GRHPR: variants seen among roughly 807,000 people sequenced by gnomAD.
The protein encoded by GRHPR is glyoxylate reductase/hydroxypyruvate reductase.
Under a neutral mutation model 36.8 loss-of-function variants are expected in GRHPR, and 35 were observed. The observed-to-expected ratio is 0.95, with a 90% CI of 0.73 to 1.26. The LOEUF is 1.26. Ranked by LOEUF, GRHPR falls within the 50% of genes most tolerant of loss-of-function variation. The pLI, the probability that GRHPR is intolerant of heterozygous loss-of-function variation, is 0.00. For synonymous variants in GRHPR, 179 were observed against 181.0 expected (o/e 0.99, Z 0.09); for missense variants, 380 against 435.0 (o/e 0.87, Z 1.12).
rs1216931967 is a variant in GRHPR at position 37,422,735 on chromosome 9, G to A, written c.-16G>A. On this transcript the variant is annotated 5_prime_UTR_variant, in exon 1 of 9. Coordinates refer to ENST00000318158, the MANE Select transcript of GRHPR (RefSeq NM_012203.2). ...GCTTCTGTACTGCCAGGTCCGGGTCGGCGGCTGCACTGCGGATGAGACCGG... is the reference window on the plus strand; with the variant it reads ...GCTTCTGTACTGCCAGGTCCGGGTCAGCGGCTGCACTGCGGATGAGACCGG... The A allele has an allele frequency of 1.9e-6, 3 of 1,562,080 alleles. No individual in the cohort carries two copies. Among genetic ancestry groups the A allele is most frequent in the South Asian group, 2.3e-5 (2 of 85,144 alleles).
rs1171183974 is a variant in GRHPR, at chr9:37,429,630, G to C, written c.494-102G>C. On this transcript the variant is annotated intron_variant, in intron 5 of 8. Coordinates refer to ENST00000318158, the MANE Select transcript of GRHPR (RefSeq NM_012203.2). ...AGGAGCAGGCAACTCGGGCTGTGCTGATGAAAAGGGTCTGCCCTGAGGGCC... is the reference window on the plus strand; with the variant it reads ...AGGAGCAGGCAACTCGGGCTGTGCTCATGAAAAGGGTCTGCCCTGAGGGCC... 6 of 829,160 alleles carry C rather than the reference G, an allele frequency of 7.2e-6. No homozygotes were observed. In the Admixed American group the frequency reaches 1.0e-4, roughly 14 times the overall value. The allele number at this position is 829,160 out of a possible 1,614,324, so 51.4% of individuals were successfully genotyped here. A position where few individuals can be genotyped will look rare whatever the true frequency, so the allele number is the denominator to read the frequency against.
intron 7 of GRHPR, 131 bp from the exon 8 acceptor site, chr9:37,431,877 T>C (rs1823384152): frequency 7.8e-6 from 7 of 895,380 alleles, no homozygotes; most frequent in Middle Eastern, 3.2e-4. Context: ...ACTGTAAGTA[T>C]ACCTAAGACT....
intron 6 of GRHPR, 132 bp downstream of exon 6, chr9:37,429,968 GTTTAATCTACCTGCC>G: frequency 1.4e-6 from 1 of 703,616 alleles, no homozygotes; most frequent in Non-Finnish European, 2.6e-6. Flanking sequence ...TCTGGTAGAT[GTTTAATCTACCTGCC>G]CCTGGACACT....
chr9:37,436,845 G>T lies in GRHPR; in HGVS notation c.*63G>T. ...GCCCTGGTATTGTCAGACACACCCA[G>T]GCTTGATTTGGATCCACAGGCAGAG... On this transcript the variant is annotated 3_prime_UTR_variant, in exon 9 of 9. Transcript: ENST00000318158. 1 of 1,578,434 alleles carries T rather than the reference G, an allele frequency of 6.3e-7. No individual in the cohort carries two copies. Among genetic ancestry groups the T allele is most frequent in the Non-Finnish European group, 8.7e-7 (1 of 1,147,946 alleles).
In GRHPR at chr9:37,432,015, G is replaced by A. The variant is rs369950120; in HGVS notation, c.742G>A (p.Val248Ile). ...CACCACTGTCATTCCCAGGGGCGAC[G>A]TCGTAAACCAGGACGACCTGTACCA... is the stretch of plus-strand genomic sequence containing the variant. ...AVFINISRGD[V>I]VNQDDLYQAL... is the part of the protein sequence containing the mutation. The change falls in exon 8 of 9, where the codon GTC (valine) becomes ATC (isoleucine). Residue 248 changes from valine (V) to isoleucine (I), a missense_variant. Coordinates refer to ENST00000318158, the MANE Select transcript of GRHPR (RefSeq NM_012203.2). The A allele has an allele frequency of 7.0e-5, 113 of 1,613,976 alleles. No individual in the cohort carries two copies. Among genetic ancestry groups the A allele is most frequent in the Admixed American group, 2.3e-4 (14 of 60,012 alleles).
At chr9:37,428,809 G>A (rs1441645747) in intron 5 of GRHPR, 4 of 657,054 alleles carry the variant, frequency 6.1e-6, no homozygotes, top group Non-Finnish European at 1.1e-5. Flanking sequence ...TAAGGGTCAG[G>A]GGGCTTCATG....
At chr9:37,428,394 C>T (rs1382802672) in intron 4 of GRHPR, 90 bp from the exon 5 acceptor site, 3 of 860,112 alleles carry the variant, frequency 3.5e-6, no homozygotes, top group Non-Finnish European at 5.9e-6. Flanking sequence ...GGGTTTATAC[C>T]TTGGACCACA....
chr9:37,422,563 G>A (rs546235477), upstream of GRHPR: 427 of 645,080 alleles, frequency 6.6e-4, 8 homozygotes, highest in South Asian at 6.9e-3. Flanking sequence ...CACTGTTACT[G>A]TCACTCCCCG....
At position 37,429,903 on chromosome 9, in the gene GRHPR, A is replaced by G. The variant is rs759187258; in HGVS notation, c.598+67A>G. 33 of 962,238 alleles carry G rather than the reference A, an allele frequency of 3.4e-5. 2 individuals are homozygous for G. Among genetic ancestry groups the G allele is most frequent in the South Asian group, 2.8e-4 (22 of 77,538 alleles). 59.6% of individuals were successfully genotyped at this position (962,238 alleles called of 1,614,324 possible). A position where few individuals can be genotyped will look rare whatever the true frequency, so the allele number is the denominator to read the frequency against. ...AGTTGAGAGGCTGTATTTTCTCTCA[A>G]TGGTGGCATTTTCAGGCAGAGGGCA... On this transcript the variant is annotated intron_variant, in intron 6 of 8. Coordinates refer to ENST00000318158, the MANE Select transcript of GRHPR (RefSeq NM_012203.2).
Position 37,432,018 on chromosome 9 carries a change from G to A in GRHPR, c.745G>A (p.Val249Ile), listed in dbSNP as rs769568097. ...CACTGTCATTCCCAGGGGCGACGTC[G>A]TAAACCAGGACGACCTGTACCAGGC... ...VFINISRGDV[V>I]NQDDLYQALA... Residue 249 changes from valine (V) to isoleucine (I), a missense_variant, in exon 8 of 9, where the codon GTA becomes ATA. Physicochemically the swap from Val to Ile is conservative, Grantham distance 29. Transcript: ENST00000318158. The A allele has an allele frequency of 1.5e-5, 24 of 1,613,962 alleles. No individual in the cohort carries two copies. The Admixed American group carries it at 2.7e-4, about 18-fold the overall frequency.
At chr9:37,430,155 T>G (rs1313169147) in intron 6 of GRHPR, 4 of 528,078 alleles carry the variant, frequency 7.6e-6, no homozygotes, top group Non-Finnish European at 1.4e-5. Context: ...TTCACTGTCT[T>G]TTCCTTCATA....
intron 7 of GRHPR, chr9:37,431,260 C>T (rs1036408777): frequency 1.8e-5 from 6 of 338,544 alleles, no homozygotes; most frequent in African/African-American, 8.6e-5. Context: ...CCTGAGGACT[C>T]GTCCACCCCA....
chr9:37,425,092 C>A (rs1471519827), intron 2 of GRHPR, 117 bp downstream of exon 2: 3 of 1,037,906 alleles, frequency 2.9e-6, no homozygotes, highest in Non-Finnish European at 4.3e-6. Flanking sequence ...GCGTTTCCTG[C>A]GATACCAGGC....
chr9:37,434,167 G>A (rs1823520412), intron 8 of GRHPR: 2 of 399,172 alleles, frequency 5.0e-6, no homozygotes, highest in Non-Finnish European at 8.8e-6. Context: ...CTAAGCACTG[G>A]GCTGCAGCCA....
intron 8 of GRHPR, among the ~76,000 whole-genome samples, chr9:37,436,319 A>C (rs1823646073): frequency 6.6e-6 from 1 of 152,224 alleles, no homozygotes; most frequent in Non-Finnish European, 1.5e-5. Flanking sequence ...CATGTTGCCC[A>C]GGCTGGTCTC....
chr9:37,436,635 C>CT, intron 8 of GRHPR, 26 bp from the exon 9 acceptor site: 2 of 1,525,034 alleles, frequency 1.3e-6, no homozygotes, highest in Non-Finnish European at 1.8e-6. Flanking sequence ...TTCTTATCTC[C>CT]CTCTCTCTCT....
chr9:37,427,101 A>G (rs1823120428), intron 4 of GRHPR, among the ~76,000 whole-genome samples: 2 of 152,188 alleles, frequency 1.3e-5, no homozygotes, highest in South Asian at 4.1e-4. Context: ...TAAAGCACAA[A>G]GCAGAGCTGC....
At position 37,430,548 on chromosome 9, in the gene GRHPR, C is replaced by CA; in HGVS notation, c.636_637insA (p.Val213SerfsTer50). The CA allele has an allele frequency of 6.2e-7, 1 of 1,613,648 alleles. No individual in the cohort carries two copies. Among genetic ancestry groups the CA allele is most frequent in the East Asian group, 2.2e-5 (1 of 44,872 alleles). ...AGCTGGCTGCCCAATCTGATTTCAT[C>CA]GTCGTGGCCTGCTCCTTAACACCTG... is the stretch of plus-strand genomic sequence containing the variant. On this transcript the variant is annotated frameshift_variant, in exon 7 of 9. Transcript: ENST00000318158. LOFTEE classifies it high-confidence loss of function.
At chr9:37,429,663 C>T (rs527591924) in intron 5 of GRHPR, 69 bp from the exon 6 acceptor site, 59 of 1,034,358 alleles carry the variant, frequency 5.7e-5, no homozygotes, top group African/African-American at 2.3e-4. Flanking sequence ...GCCGCTGTTC[C>T]AGAAATGCTG....
Sources: allele counts gnomAD v4.1 joint callset (sites outside exome capture counted in the v4.1 genomes callset), GRCh38; gene constraint gnomAD v4.1.1; transcripts MANE v1.5; gene names NCBI Gene and HGNC (gene_info 2026-07-23, HGNC 2026-07-21).